IFT140: variants seen among roughly 807,000 people sequenced by gnomAD.
The protein encoded by IFT140 is intraflagellar transport 140.
In IFT140, 133 loss-of-function variants were observed where a neutral mutation model predicts 164.6. The observed-to-expected ratio is 0.81, with a 90% CI of 0.70 to 0.93. IFT140 has a LOEUF of 0.93. Ranked by LOEUF, IFT140 falls within the 40% of genes least tolerant of loss-of-function variation. The probability of loss-of-function intolerance (pLI) is 0.00; values close to 1 mark genes in which losing one functional copy is unlikely to be tolerated. For missense variants in IFT140, 2,045 were observed against 1,972.3 expected, an observed-to-expected ratio of 1.04 and a Z score of -0.70; for synonymous variants, 860 against 817.3, an observed-to-expected ratio of 1.05 and a Z score of -0.89.
rs537211478 is a variant in IFT140 at position 1,551,283 on chromosome 16, G to A, written c.2399+6652C>T. 1.1e-4 allele frequency among the ~76,000 whole-genome samples: 16 copies of A among 152,302 alleles called. 1 individual carries two copies. The South Asian group carries it at 2.9e-3, about 28-fold the overall frequency. On this transcript the variant is annotated intron_variant, in intron 19 of 30. Coordinates refer to ENST00000426508, the MANE Select transcript of IFT140 (RefSeq NM_014714.4). This position sits in a 1 kb window ranked among gnomAD's most constrained non-coding sequence, Gnocchi z 4.0. The stretch of plus-strand genomic sequence containing the variant: ...GGGTAAAGACACAATGACCACGGCT[G>A]GCAGGGGTGGGCAGGTGCAACTCTA...
intron 30 of IFT140, among the ~76,000 whole-genome samples, chr16:1,513,964 C>T (rs997973400): frequency 8.6e-5 from 13 of 151,458 alleles, no homozygotes; most frequent in Non-Finnish European, 1.5e-4. Flanking sequence ...TGAGCCACTG[C>T]ACCCGGCTGC....
intron 4 of IFT140, 70 bp from the exon 5 acceptor site, chr16:1,592,658 CTGGCAGAGCGA>C: frequency 1.3e-6 from 2 of 1,528,386 alleles, no homozygotes; most frequent in Non-Finnish European, 8.8e-7. Context: ...GACAGGTGTC[CTGGCAGAGCGA>C]CTGGTGGTGG....
chr16:1,580,756 T>C lies in IFT140; in HGVS notation c.1524+3A>G, dbSNP rs149791451. Reference sequence around the variant, plus strand: ...GTTTTCTTGCAGTGGAGCAGCAACTTACCTGCCAGGTTCGAACTTGAACTC... The same window carrying C: ...GTTTTCTTGCAGTGGAGCAGCAACTCACCTGCCAGGTTCGAACTTGAACTC... On this transcript the variant is annotated splice_donor_region_variant and intron_variant, in intron 13 of 30. Coordinates refer to ENST00000426508, the MANE Select transcript of IFT140 (RefSeq NM_014714.4). 9.2e-4 allele frequency: 1,484 copies of C among 1,609,432 alleles called. 16 individuals carry two copies. The African/African-American group carries it at 0.017, about 19-fold the overall frequency.
At chr16:1,569,141 C>A (rs909387016) in intron 14 of IFT140, among the ~76,000 whole-genome samples, 47 of 151,736 alleles carry the variant, frequency 3.1e-4, no homozygotes, top group African/African-American at 6.8e-4. Context: ...AGTAGCTGGG[C>A]CTACAGGCGC....
At chr16:1,565,372 A>G (rs2033654147) in intron 16 of IFT140, among the ~76,000 whole-genome samples, 1 of 151,918 alleles carries the variant, frequency 6.6e-6, no homozygotes, top group African/African-American at 2.4e-5. Flanking sequence ...TCACTGGCAG[A>G]GGGATGAAAT....
At chr16:1,596,028 C>A (rs966723127) in intron 4 of IFT140, among the ~76,000 whole-genome samples, 2 of 152,180 alleles carry the variant, frequency 1.3e-5, no homozygotes, top group African/African-American at 4.8e-5. Flanking sequence ...TGCACTCCAG[C>A]CTGGGTGACA....
At position 1,553,651 on chromosome 16, in the gene IFT140, G is replaced by A; in HGVS notation, c.2399+4284C>T. On this transcript the variant is annotated intron_variant, in intron 19 of 30. Coordinates refer to ENST00000426508, the MANE Select transcript of IFT140 (RefSeq NM_014714.4). This position sits in a 1 kb window ranked among gnomAD's most constrained non-coding sequence, Gnocchi z 4.4. ...AGGTTACTGTAACAGAGAGGGAGGG[G>A]TGCTGGGTGGGCAGAAGCGGGGCTG... 1 of 1,068,896 alleles carries A rather than the reference G, an allele frequency of 9.4e-7. No individual in the cohort carries two copies. Among genetic ancestry groups the A allele is most frequent in the East Asian group, 7.3e-5 (1 of 13,784 alleles). The allele number at this position is 1,068,896 out of a possible 1,614,324, so 66.2% of individuals were successfully genotyped here.
At chr16:1,544,286 C>A (rs1669186438) in intron 19 of IFT140, among the ~76,000 whole-genome samples, 1 of 151,890 alleles carries the variant, frequency 6.6e-6, no homozygotes, top group African/African-American at 2.4e-5. Context: ...CGGGTTCACG[C>A]CATTCTCCTG....
rs1387148284 is a variant in IFT140 at position 1,520,242 on chromosome 16, C to T, written c.3762G>A (p.Leu1254=). 2 of 1,614,100 alleles carry T rather than the reference C, an allele frequency of 1.2e-6. No homozygotes were observed. Among genetic ancestry groups the T allele is most frequent in the African/African-American group, 2.7e-5 (2 of 74,938 alleles). ...GCTCCTTCCGCCAGTCCAGGGACTG[C>T]AGGTAGTTAGCAGCCATGATGTAGA... ...KEIYIMAANY[L]QSLDWRKEPE... The change falls in exon 28 of 31, where the codon CTG becomes CTA. Residue 1254 remains leucine, a synonymous_variant. Coordinates refer to ENST00000426508, the MANE Select transcript of IFT140 (RefSeq NM_014714.4).
rs1247310325 is a variant in IFT140 at position 1,553,749 on chromosome 16, T to C, written c.2399+4186A>G. Reference sequence around the variant, plus strand: ...GCCACATCCCCATGGCTGTAGGGGATGAGGAGGGGCAGGGCCATGTGGACA... The same window carrying C: ...GCCACATCCCCATGGCTGTAGGGGACGAGGAGGGGCAGGGCCATGTGGACA... On this transcript the variant is annotated intron_variant, in intron 19 of 30. Coordinates refer to ENST00000426508, the MANE Select transcript of IFT140 (RefSeq NM_014714.4). The surrounding 1 kb of genome is among the most constrained non-coding windows in gnomAD (Gnocchi z 4.4). 6.9e-6 allele frequency: 8 copies of C among 1,156,506 alleles called. No homozygotes were observed. The highest frequency in any genetic ancestry group is 8.7e-6 in the Non-Finnish European group (8 of 924,162). The allele number at this position is 1,156,506 out of a possible 1,614,324, so 71.6% of individuals were successfully genotyped here.
At position 1,520,314 on chromosome 16, in the gene IFT140, G is replaced by A. The variant is rs1157415526; in HGVS notation, c.3690C>T (p.Asp1230=). The change falls in exon 28 of 31, where the codon GAC becomes GAT. Residue 1230 remains aspartate (D), a synonymous_variant. Transcript: ENST00000426508. ...TCGCGAAGAACGTGATTTTCTCCGT[G>A]TCTCCGGATTTGAGCAGCGCCCTCA... The part of the protein sequence containing the change: ...KAMRALLKSG[D]TEKITFFASV... 1.9e-6 allele frequency: 3 copies of A among 1,614,086 alleles called. No individual in the cohort carries two copies. Among genetic ancestry groups the A allele is most frequent in the East Asian group, 2.2e-5 (1 of 44,894 alleles).
At chr16:1,587,804 G>A (rs1052475895) in intron 8 of IFT140, 129 bp downstream of exon 8, 7 of 714,362 alleles carry the variant, frequency 9.8e-6, no homozygotes, top group South Asian at 1.8e-5. Flanking sequence ...GAATGGGTAC[G>A]TCCAGTATGA....
At position 1,519,876 on chromosome 16, in the gene IFT140, C is replaced by T; in HGVS notation, c.4040+5G>A. ...GGCCTGTCCCCGCTGGCCCCGGGGG[C>T]ACACCTGCGGGCCTGGATGAACCTC... On this transcript the variant is annotated splice_donor_5th_base_variant and intron_variant, in intron 29 of 30. Coordinates refer to ENST00000426508, the MANE Select transcript of IFT140 (RefSeq NM_014714.4). The T allele has an allele frequency of 6.5e-7, 1 of 1,528,520 alleles. No homozygotes were observed. The highest frequency in any genetic ancestry group is 8.8e-7 in the Non-Finnish European group (1 of 1,140,520). 94.7% of individuals were successfully genotyped at this position (1,528,520 alleles called of 1,614,324 possible).
In IFT140 at chr16:1,577,960, G is replaced by C. The variant is rs2034361770; in HGVS notation, c.1524+2799C>G. On this transcript the variant is annotated intron_variant, in intron 13 of 30. Coordinates refer to ENST00000426508, the MANE Select transcript of IFT140 (RefSeq NM_014714.4). ...GGTAAAAAGACGGAGGGGTGGGCAG[G>C]GATGGCAGCAACAAGTGTGCTTGCT... 2.7e-5 allele frequency: 4 copies of C among 146,452 alleles called. No homozygotes were observed. The South Asian group carries it at 8.4e-4, about 31-fold the overall frequency. 9.1% of individuals were successfully genotyped at this position (146,452 alleles called of 1,614,324 possible). A position where few individuals can be genotyped will look rare whatever the true frequency, so the allele number is the denominator to read the frequency against.
rs144726977 is a variant in IFT140, at chr16:1,511,069, C to T, written c.4264G>A (p.Ala1422Thr). The change falls in exon 31 of 31, where the codon GCC becomes ACC. Residue 1422 changes from alanine (A) to threonine (T), a missense_variant. Physicochemically the swap from Ala to Thr is moderately conservative, Grantham distance 58. Coordinates refer to ENST00000426508, the MANE Select transcript of IFT140 (RefSeq NM_014714.4). ...SYYVSPQAVD[A>T]VHRGLGLPLP... ...GGGAGACCCAGCCCCCGGTGCACGG[C>T]GTCCACGGCCTGCGGGCTCACGTAG... 1.8e-4 allele frequency: 284 copies of T among 1,608,368 alleles called. No individual in the cohort carries two copies. The African/African-American group carries it at 3.3e-3, about 19-fold the overall frequency.
At chr16:1,569,009 T>A (rs1243804903) in intron 14 of IFT140, among the ~76,000 whole-genome samples, 1 of 150,034 alleles carries the variant, frequency 6.7e-6, no homozygotes, top group Non-Finnish European at 1.5e-5. Context: ...GCTTGTTTTT[T>A]TTTTTTTTTT....
chr16:1,609,070 G>A (rs1236446624), intron 2 of IFT140, among the ~76,000 whole-genome samples: 2 of 152,004 alleles, frequency 1.3e-5, no homozygotes, highest in Non-Finnish European at 1.5e-5. Context: ...CATGAGAATC[G>A]CTTGAATCCA....
intron 19 of IFT140, among the ~76,000 whole-genome samples, chr16:1,535,047 T>TA (rs962428330): frequency 1.6e-4 from 23 of 148,384 alleles, no homozygotes; most frequent in South Asian, 4.3e-4. Flanking sequence ...TCTCTGAACA[T>TA]AAAAAAAAAA....
intron 13 of IFT140, among the ~76,000 whole-genome samples, chr16:1,576,226 C>T (rs763143041): frequency 7.8e-4 from 115 of 146,722 alleles, no homozygotes; most frequent in Non-Finnish European, 1.5e-3. Context: ...GTGGAGGTTG[C>T]AGTGAGCCGA....
Sources: gnomAD v4.1 joint callset for allele counts (sites outside exome capture counted in the v4.1 genomes callset) on GRCh38, gnomAD v4.1.1 for gene constraint, Gnocchi (gnomAD v3.1) non-coding constraint, MANE v1.5 for transcripts, NCBI Gene and HGNC (gene_info 2026-07-23, HGNC 2026-07-21) for gene names.